Variants in SHANK2 observed in about 807,000 individuals in gnomAD.
SHANK2 encodes the protein SH3 and multiple ankyrin repeat domains protein 2.
SHANK2 carries 43 observed loss-of-function variants against 133.7 expected under a neutral mutation model. That is an observed-to-expected ratio of 0.32 (90% CI 0.25 to 0.41). SHANK2 has a LOEUF of 0.41. Among genes scored for constraint, SHANK2 ranks in the 10% least tolerant of loss-of-function variants. The pLI, the probability that SHANK2 is intolerant of heterozygous loss-of-function variation, is 1.00. For synonymous variants in SHANK2, 1,017 were observed against 952.8 expected, an observed-to-expected ratio of 1.07 and a Z score of -1.24; for missense variants, 1,994 against 2,235.8, an observed-to-expected ratio of 0.89 and a Z score of 2.18.
At position 70,659,922 on chromosome 11, in the gene SHANK2, G is replaced by A. The variant is rs2134263267; in HGVS notation, c.1967C>T (p.Thr656Ile). The change falls in exon 17 of 26, where the codon ACA becomes ATA. Residue 656 changes from threonine to isoleucine, a missense_variant. This residue lies in a region of SHANK2 where 488 missense variants were observed against 642.6 expected (regional missense o/e 0.76). Transcript: ENST00000601538. ...ADTPIEEFTP[T>I]PAFPALQYLE... ...GTACTGTAGGGCTGGGAAAGCCGGT[G>A]TTGGTGTGAATTCTTCAATGGGTGT... 2 of 1,614,242 alleles carry A rather than the reference G, an allele frequency of 1.2e-6. No homozygotes were observed. Among genetic ancestry groups the A allele is most frequent in the Non-Finnish European group, 1.7e-6 (2 of 1,180,042 alleles).
At chr11:71,130,661 G>A (rs1461621520) in intron 3 of SHANK2, among the ~76,000 whole-genome samples, 3 of 152,090 alleles carry the variant, frequency 2.0e-5, no homozygotes, top group African/African-American at 4.8e-5. Flanking sequence ...CCACCTCTAC[G>A]GCATCTGCTA....
chr11:70,736,532 G>T (rs1318185945), intron 14 of SHANK2, among the ~76,000 whole-genome samples: 2 of 152,156 alleles, frequency 1.3e-5, no homozygotes, highest in African/African-American at 4.8e-5. Context: ...GCAGAGATGG[G>T]GAAATAGGGC....
At position 70,487,215 on chromosome 11, in the gene SHANK2, C is replaced by T. The variant is rs150866645; in HGVS notation, c.3078G>A (p.Thr1026=). ...QSNVEDSPEK[T]CSIPIPTIIV... ...TGATGGTCGGGATAGGGATGGAGCA[C>T]GTCTTCTCGGGGCTGTCCTCCACGT... Residue 1026 remains threonine (T), a synonymous_variant, in exon 25 of 26, where the codon ACG becomes ACA. Transcript: ENST00000601538. The surrounding 1 kb of genome is among the most constrained non-coding windows in gnomAD (Gnocchi z 5.8). The T allele has an allele frequency of 1.9e-6, 3 of 1,613,928 alleles. No homozygotes were observed. Among genetic ancestry groups the T allele is most frequent in the African/African-American group, 2.7e-5 (2 of 74,932 alleles).
At chr11:70,717,969 T>C (rs1198693790) in intron 14 of SHANK2, among the ~76,000 whole-genome samples, 1 of 152,266 alleles carries the variant, frequency 6.6e-6, no homozygotes, top group East Asian at 1.9e-4. Context: ...CAGCTGAAAA[T>C]TCGCTTCTTT....
intron 11 of SHANK2, among the ~76,000 whole-genome samples, chr11:70,896,026 T>A (rs1949928604): frequency 6.6e-6 from 1 of 152,122 alleles, no homozygotes; most frequent in Non-Finnish European, 1.5e-5. Context: ...TAGTTTACAT[T>A]AGGGTTCACT....
chr11:71,185,023 G>C (rs1243581827), intron 2 of SHANK2, among the ~76,000 whole-genome samples: 1 of 152,132 alleles, frequency 6.6e-6, no homozygotes, highest in Non-Finnish European at 1.5e-5. Context: ...TCTGTACCCC[G>C]TGAGGGCAGG....
At chr11:71,074,256 C>T (rs1462554582) in intron 9 of SHANK2, among the ~76,000 whole-genome samples, 2 of 152,160 alleles carry the variant, frequency 1.3e-5, no homozygotes, top group Non-Finnish European at 2.9e-5. Flanking sequence ...CAAACTTACC[C>T]GTTTAAACCC....
chr11:71,068,471 T>A (rs918693133), intron 9 of SHANK2, among the ~76,000 whole-genome samples: 3 of 152,184 alleles, frequency 2.0e-5, no homozygotes, highest in Non-Finnish European at 2.9e-5. Context: ...AGCAGCACAA[T>A]GCAACACCGC....
intron 15 of SHANK2, among the ~76,000 whole-genome samples, chr11:70,662,356 T>A (rs1390898189): frequency 2.0e-5 from 3 of 152,044 alleles, no homozygotes; most frequent in Non-Finnish European, 2.9e-5. Context: ...GAGCCCACAG[T>A]GCGCCCGGCG....
intron 14 of SHANK2, among the ~76,000 whole-genome samples, chr11:70,795,170 T>C (rs1947880038): frequency 6.6e-6 from 1 of 152,020 alleles, no homozygotes; most frequent in South Asian, 2.1e-4. Context: ...GCCTTTGTGT[T>C]AGAGGAGAGT....
At chr11:70,702,301 CCAT>C (rs1945546651) in intron 14 of SHANK2, among the ~76,000 whole-genome samples, 2 of 150,360 alleles carry the variant, frequency 1.3e-5, no homozygotes, top group East Asian at 4.0e-4. Flanking sequence ...ATCTTCTTCA[CCAT>C]CATCACAATC....
intron 11 of SHANK2, among the ~76,000 whole-genome samples, chr11:70,853,171 G>C (rs1225919974): frequency 6.6e-6 from 1 of 152,252 alleles, no homozygotes; most frequent in African/African-American, 2.4e-5. Flanking sequence ...GGAGAGTGAA[G>C]TTGGGGGAAA....
chr11:70,817,933 C>T (rs1371088868), intron 12 of SHANK2, among the ~76,000 whole-genome samples: 1 of 152,206 alleles, frequency 6.6e-6, no homozygotes, highest in African/African-American at 2.4e-5. Context: ...TGGGGTTTCA[C>T]CATGTTAGCC....
intron 17 of SHANK2, among the ~76,000 whole-genome samples, chr11:70,567,917 G>C (rs974076085): frequency 6.6e-6 from 1 of 152,188 alleles, no homozygotes; most frequent in African/African-American, 2.4e-5. Flanking sequence ...CTATGTATTT[G>C]TCCAACCCAA....
chr11:71,075,220 T>TCTG lies in SHANK2; in HGVS notation c.965_967dup (p.Ala322dup), dbSNP rs1951203246. 2 of 258,362 alleles carry TCTG rather than the reference T, an allele frequency of 7.7e-6. No individual in the cohort carries two copies. The highest frequency in any genetic ancestry group is 1.6e-5 in the Non-Finnish European group (2 of 125,402). The allele number at this position is 258,362 out of a possible 1,614,324, so 16.0% of individuals were successfully genotyped here. ...CCCCGAGGCATTCTGGGCACTCATG[T>TCTG]CTGCCCCGTAGAACAGCAGGTGCTC... On this transcript the variant is annotated inframe_insertion, in exon 9 of 26. Coordinates refer to ENST00000601538, the MANE Select transcript of SHANK2 (RefSeq NM_012309.5).
At chr11:70,555,129 T>C (rs2059813945) in intron 17 of SHANK2, among the ~76,000 whole-genome samples, 1 of 152,140 alleles carries the variant, frequency 6.6e-6, no homozygotes, top group Non-Finnish European at 1.5e-5. Context: ...TCAAATAAGA[T>C]GGTGAATTTA....
rs1439353247 is a variant in SHANK2, at chr11:70,788,051, G to A, written c.1777+10392C>T. Among the ~76,000 whole-genome samples, 10 of 152,298 alleles carry A rather than the reference G, an allele frequency of 6.6e-5. No individual in the cohort carries two copies. The South Asian group carries it at 1.2e-3, about 19-fold the overall frequency. On this transcript the variant is annotated intron_variant, in intron 14 of 25. Transcript: ENST00000601538. Reference sequence around the variant, plus strand: ...GCTCTGAAAAGGCTGGAACGATAACGTTACATGGCCTGCAGGATGGCGGAA... The same window carrying A: ...GCTCTGAAAAGGCTGGAACGATAACATTACATGGCCTGCAGGATGGCGGAA...
At chr11:70,670,212 T>C (rs1228854049) in intron 15 of SHANK2, among the ~76,000 whole-genome samples, 1 of 152,194 alleles carries the variant, frequency 6.6e-6, no homozygotes, top group Non-Finnish European at 1.5e-5. Context: ...CGCTAAATCA[T>C]TCCTGGTATA....
chr11:70,754,422 T>C (rs1946820486), intron 14 of SHANK2, among the ~76,000 whole-genome samples: 2 of 152,238 alleles, frequency 1.3e-5, no homozygotes, highest in South Asian at 2.1e-4. Context: ...AAGTGTGCTT[T>C]ATCCTGGGAG....
Sources: allele counts gnomAD v4.1 joint callset (sites outside exome capture counted in the v4.1 genomes callset), GRCh38; gene constraint gnomAD v4.1.1; regional missense constraint gnomAD v4.1.1; non-coding constraint Gnocchi (gnomAD v3.1); transcripts MANE v1.5; gene names NCBI Gene and HGNC (gene_info 2026-07-23, HGNC 2026-07-21).